The following CUL5 variants were observed in gnomAD, a reference collection of about 807,000 sequenced individuals.
The protein encoded by CUL5 is cullin 5.
In CUL5, 26 loss-of-function variants were observed where a neutral mutation model predicts 108.8. The ratio of observed to expected loss-of-function variants is 0.24; its 90% CI spans 0.18 to 0.33. CUL5 has a LOEUF of 0.33. CUL5 is among the 10% of genes least tolerant of loss of function. The probability of loss-of-function intolerance (pLI) is 1.00; values close to 1 mark genes in which losing one functional copy is unlikely to be tolerated. For synonymous variants in CUL5, 334 were observed against 298.0 expected (o/e 1.12, Z -1.25); for missense variants, 524 against 909.2 (o/e 0.58, Z 5.45).
At chr11:108,100,085 T>A (rs1401897707) in intron 18 of CUL5, among the ~76,000 whole-genome samples, 1 of 133,252 alleles carries the variant, frequency 7.5e-6, no homozygotes, top group Non-Finnish European at 1.7e-5. Context: ...ACTAGGAATA[T>A]TTTTGGAATT....
chr11:108,031,859 G>A (rs1024412021), intron 1 of CUL5, among the ~76,000 whole-genome samples: 6 of 152,166 alleles, frequency 3.9e-5, no homozygotes, highest in Non-Finnish European at 8.8e-5. Context: ...ACAAGATCAT[G>A]TCCTTTGCAG....
At position 108,016,163 on chromosome 11, in the gene CUL5, C is replaced by T. The variant is rs1224323512; in HGVS notation, c.24+6791C>T. Among the ~76,000 whole-genome samples the T allele has an allele frequency of 2.6e-5, 4 of 152,178 alleles. No homozygotes were observed. In the East Asian group the frequency reaches 5.8e-4, roughly 22 times the overall value. ...CTCCTGAGCTCCAGTGATCTTCCTG[C>T]GTAGGCCTCCCAAAGTGCTGGGATT... On this transcript the variant is annotated intron_variant, in intron 1 of 18. Transcript: ENST00000393094.
At chr11:108,076,972 A>G (rs930194900) in intron 10 of CUL5, among the ~76,000 whole-genome samples, 1 of 152,250 alleles carries the variant, frequency 6.6e-6, no homozygotes, top group African/African-American at 2.4e-5. Flanking sequence ...ATATCTGTTA[A>G]ACATCCATAT....
At chr11:108,031,760 A>T (rs1053458189) in intron 1 of CUL5, among the ~76,000 whole-genome samples, 3 of 152,218 alleles carry the variant, frequency 2.0e-5, no homozygotes, top group Non-Finnish European at 4.4e-5. Flanking sequence ...CAAAGACGTG[A>T]AATCACCCCC....
chr11:108,048,478 T>C (rs1043924970), intron 3 of CUL5, among the ~76,000 whole-genome samples: 1 of 152,112 alleles, frequency 6.6e-6, no homozygotes. Flanking sequence ...TTTCACTGTG[T>C]GGTTTGTCAT....
chr11:108,088,280 C>T (rs1864270897), intron 11 of CUL5, among the ~76,000 whole-genome samples: 1 of 152,082 alleles, frequency 6.6e-6, no homozygotes, highest in Non-Finnish European at 1.5e-5. Context: ...AAGAAGGCAC[C>T]TAGAGTGCAA....
intron 12 of CUL5, among the ~76,000 whole-genome samples, chr11:108,088,913 T>C (rs1459506890): frequency 6.6e-6 from 1 of 152,188 alleles, no homozygotes; most frequent in Non-Finnish European, 1.5e-5. Context: ...AAGTTCTAGC[T>C]ACTAATACAG....
intron 1 of CUL5, among the ~76,000 whole-genome samples, chr11:108,019,563 G>T (rs1283243207): frequency 6.6e-6 from 1 of 152,070 alleles, no homozygotes; most frequent in Non-Finnish European, 1.5e-5. Flanking sequence ...CTATTGTCTG[G>T]CAATGTTTAT....
At position 108,098,464 on chromosome 11, in the gene CUL5, A is replaced by C; in HGVS notation, c.2083A>C (p.Thr695Pro). ...CAACTTGATTGGACGTTTGCAGCTC[A>C]CTACAGAAAGGATGAGAGAAGAAGA... Reference protein sequence around the residue: ...KINLIGRLQLTTERMREEENE... With the variant: ...KINLIGRLQLPTERMREEENE... The change falls in exon 18 of 19, where the codon ACT becomes CCT. Residue 695 changes from threonine to proline, a missense_variant. Transcript: ENST00000393094. The C allele has an allele frequency of 6.2e-7, 1 of 1,603,824 alleles. No homozygotes were observed. The highest frequency in any genetic ancestry group is 8.5e-7 in the Non-Finnish European group (1 of 1,175,386).
chr11:108,084,894 C>T (rs1864183651), intron 11 of CUL5: 1 of 152,164 alleles, frequency 6.6e-6, no homozygotes, highest in Non-Finnish European at 1.5e-5. Flanking sequence ...TTTGGTTGTT[C>T]CTCAAGAAGT....
intron 4 of CUL5, among the ~76,000 whole-genome samples, chr11:108,052,404 G>C (rs890791526): frequency 6.6e-6 from 1 of 152,030 alleles, no homozygotes; most frequent in Non-Finnish European, 1.5e-5. Flanking sequence ...GACTACAGGC[G>C]TGCACCACCA....
intron 11 of CUL5, among the ~76,000 whole-genome samples, chr11:108,083,754 G>A (rs1179852503): frequency 1.3e-5 from 2 of 152,168 alleles, no homozygotes; most frequent in Non-Finnish European, 2.9e-5. Context: ...CTCCAGTCTG[G>A]GCAACAGAGT....
chr11:108,072,100 G>A (rs139897854), intron 8 of CUL5, among the ~76,000 whole-genome samples: 2,457 of 152,036 alleles, frequency 0.016, 74 homozygotes, highest in African/African-American at 0.056. Flanking sequence ...GATTGCTTGC[G>A]CCCAAGAGGT....
At chr11:108,031,393 T>A (rs773235593) in intron 1 of CUL5, among the ~76,000 whole-genome samples, 1 of 151,546 alleles carries the variant, frequency 6.6e-6, no homozygotes, top group Non-Finnish European at 1.5e-5. Flanking sequence ...ATGAGTTTCA[T>A]AGGGTGTTTG....
At chr11:108,095,067 A>G in intron 15 of CUL5, 80 bp downstream of exon 15, 1 of 1,255,216 alleles carries the variant, frequency 8.0e-7, no homozygotes, top group Non-Finnish European at 1.1e-6. Flanking sequence ...CTTAAACAAA[A>G]TAGATTTTTG....
intron 16 of CUL5, among the ~76,000 whole-genome samples, chr11:108,096,659 A>G (rs1864508171): frequency 7.8e-6 from 1 of 128,998 alleles, no homozygotes. Context: ...CTCCGCCTCC[A>G]GGGTTTAAGC....
chr11:108,068,110 G>T (rs913048068), intron 7 of CUL5, among the ~76,000 whole-genome samples: 1 of 151,908 alleles, frequency 6.6e-6, no homozygotes, highest in Non-Finnish European at 1.5e-5. Context: ...TAGAGATGGG[G>T]TTTCTCTGTG....
chr11:108,030,202 T>C (rs1862544623), intron 1 of CUL5, among the ~76,000 whole-genome samples: 1 of 152,236 alleles, frequency 6.6e-6, no homozygotes, highest in Admixed American at 6.5e-5. Context: ...AATTTCCCAG[T>C]AGCCAACACT....
chr11:108,082,335 C>T (rs1864109071), intron 11 of CUL5, among the ~76,000 whole-genome samples: 2 of 150,508 alleles, frequency 1.3e-5, no homozygotes, highest in Non-Finnish European at 3.0e-5. Flanking sequence ...GGCTGGAGTG[C>T]AGTGGCGCAA....
Sources: allele counts gnomAD v4.1 joint callset (sites outside exome capture counted in the v4.1 genomes callset), GRCh38; gene constraint gnomAD v4.1.1; transcripts MANE v1.5; gene names NCBI Gene and HGNC (gene_info 2026-07-23, HGNC 2026-07-21).